The following RPRD1A variants were observed in gnomAD, a reference collection of about 807,000 sequenced individuals.
RPRD1A encodes regulation of nuclear pre-mRNA domain containing 1A, also known as regulation of nuclear pre-mRNA domain-containing protein 1A.
In RPRD1A, 9 loss-of-function variants were observed where a neutral mutation model predicts 37.8. The observed-to-expected ratio is 0.24, with a 90% confidence interval of 0.14 to 0.42. The LOEUF (loss-of-function observed/expected upper bound fraction) is 0.42. Ranked by LOEUF, RPRD1A falls within the 10% of genes least tolerant of loss-of-function variation. The pLI is 1.00. For missense variants in RPRD1A, 255 were observed against 371.0 expected (o/e 0.69, Z 2.57); for synonymous variants, 138 against 139.7 (o/e 0.99, Z 0.08).
intron 6 of RPRD1A, among the ~76,000 whole-genome samples, chr18:35,994,855 CTT>C (rs2144134551): frequency 6.6e-6 from 1 of 152,318 alleles, no homozygotes; most frequent in Admixed American, 6.5e-5. Context: ...TTTCATCAAA[CTT>C]TATTTTTTGT....
intron 4 of RPRD1A, among the ~76,000 whole-genome samples, chr18:36,029,405 A>C (rs1199861262): frequency 6.6e-6 from 1 of 152,152 alleles, no homozygotes; most frequent in Non-Finnish European, 1.5e-5. Flanking sequence ...AAAGGATACT[A>C]ATTTCTGGCA....
chr18:36,054,076 C>G (rs754133574), intron 1 of RPRD1A, among the ~76,000 whole-genome samples: 1 of 152,154 alleles, frequency 6.6e-6, no homozygotes, highest in Non-Finnish European at 1.5e-5. Flanking sequence ...TTCAGTGACA[C>G]TGAGACTGGG....
In RPRD1A at chr18:35,992,297, G is replaced by A. The variant is rs911863151; in HGVS notation, c.*854C>T. ...GAATAATAAAAGTATCATTTCACGT[G>A]TCTTTTAATCCCATAGACGGCTTTT... On this transcript the variant is annotated 3_prime_UTR_variant, in exon 7 of 7. Transcript: ENST00000399022. 1 of 152,448 alleles carries A rather than the reference G, an allele frequency of 6.6e-6. No individual in the cohort carries two copies. The highest frequency in any genetic ancestry group is 1.5e-5 in the Non-Finnish European group (1 of 68,020). The allele number at this position is 152,448 out of a possible 1,614,324, so 9.4% of individuals were successfully genotyped here. A position where few individuals can be genotyped will look rare whatever the true frequency, so the allele number is the denominator to read the frequency against.
At chr18:36,031,716 A>C (rs1911804697) in intron 2 of RPRD1A, among the ~76,000 whole-genome samples, 1 of 152,226 alleles carries the variant, frequency 6.6e-6, no homozygotes, top group Non-Finnish European at 1.5e-5. Context: ...TCTCTTGCTT[A>C]GAATTTTGTA....
intron 1 of RPRD1A, among the ~76,000 whole-genome samples, chr18:36,049,963 CCTCA>C (rs1418055691): frequency 1.3e-5 from 2 of 152,092 alleles, no homozygotes; most frequent in Non-Finnish European, 2.9e-5. Context: ...GTTTTGACAT[CCTCA>C]CTAACATTTG....
chr18:35,993,103 T>C lies in RPRD1A; in HGVS notation c.*48A>G. ...ACACTACAGGACTATCCACCTAACC[T>C]GTCTCCATCTCTTGCAAAGTCCTGG... On this transcript the variant is annotated 3_prime_UTR_variant, in exon 7 of 7. Transcript: ENST00000399022. 1 of 1,564,220 alleles carries C rather than the reference T, an allele frequency of 6.4e-7. No individual in the cohort carries two copies. The highest frequency in any genetic ancestry group is 8.7e-7 in the Non-Finnish European group (1 of 1,149,982).
chr18:36,026,560 A>G (rs1414652466), intron 6 of RPRD1A: 1 of 188,664 alleles, frequency 5.3e-6, no homozygotes, highest in Non-Finnish European at 1.1e-5. Flanking sequence ...GAAACTAAAT[A>G]AATCCTACTA....
At chr18:36,012,617 T>C (rs1024028248) in intron 6 of RPRD1A, among the ~76,000 whole-genome samples, 2 of 152,154 alleles carry the variant, frequency 1.3e-5, no homozygotes, top group Non-Finnish European at 2.9e-5. Flanking sequence ...GTTCACACAA[T>C]GAAAAAATGC....
chr18:36,017,135 C>T (rs142279999), intron 6 of RPRD1A, among the ~76,000 whole-genome samples: 1,539 of 152,224 alleles, frequency 0.01, 26 homozygotes, highest in African/African-American at 0.035. Flanking sequence ...CACGGTGAAA[C>T]ACTGTCTCTA....
At chr18:36,000,579 G>T (rs1459991775) in intron 6 of RPRD1A, among the ~76,000 whole-genome samples, 2 of 152,128 alleles carry the variant, frequency 1.3e-5, no homozygotes, top group Non-Finnish European at 2.9e-5. Flanking sequence ...TAGGGTAGAT[G>T]TTACAAAGAA....
chr18:36,060,313 G>C lies in RPRD1A; in HGVS notation c.151+6941C>G, dbSNP rs534526740. On this transcript the variant is annotated intron_variant, in intron 1 of 6. Coordinates refer to ENST00000399022, the MANE Select transcript of RPRD1A (RefSeq NM_018170.5). ...CCAGGCATGGTGGCGGGCGCCTATA[G>C]TCCCAGCTACTTGGGAGGCTGAGAC... Among the ~76,000 whole-genome samples, 147 of 152,098 alleles carry C rather than the reference G, an allele frequency of 9.7e-4. 1 individual carries two copies. The highest frequency in any genetic ancestry group is 3.3e-3 in the African/African-American group (139 of 41,496).
intron 1 of RPRD1A, among the ~76,000 whole-genome samples, 183 bp downstream of exon 1, chr18:36,067,071 C>A (rs1248707498): frequency 2.6e-5 from 4 of 152,204 alleles, no homozygotes; most frequent in Non-Finnish European, 4.4e-5. Flanking sequence ...TTCCTTTATT[C>A]AATAAATATC....
Position 36,027,273 on chromosome 18 carries a change from T to A in RPRD1A, c.524A>T (p.Asn175Ile). The change falls in exon 5 of 7, where the codon AAT becomes ATT. Residue 175 changes from asparagine to isoleucine, a missense_variant. This residue lies in a region of RPRD1A where 211 missense variants were observed against 268.9 expected (regional missense o/e 0.78). Transcript: ENST00000399022. ...DLVRALQDLE[N>I]AASGDAAVHQ... ...AACTGCTGCATCACCTGAGGCTGCA[T>A]TTTCCAGATCTTGTAATGCTCTAAC... 6.2e-7 allele frequency: 1 copy of A among 1,613,674 alleles called. No homozygotes were observed. Among genetic ancestry groups the A allele is most frequent in the African/African-American group, 1.3e-5 (1 of 75,024 alleles).
intron 2 of RPRD1A, among the ~76,000 whole-genome samples, chr18:36,032,866 T>C (rs7245183): frequency 0.11 from 16,028 of 152,032 alleles, 974 homozygotes; most frequent in Non-Finnish European, 0.13. Context: ...TTGAGACGCA[T>C]ACAAGTAAAA....
At position 36,004,943 on chromosome 18, in the gene RPRD1A, A is replaced by T. The variant is rs573186814; in HGVS notation, c.790-11643T>A. On this transcript the variant is annotated intron_variant, in intron 6 of 6. Coordinates refer to ENST00000399022, the MANE Select transcript of RPRD1A (RefSeq NM_018170.5). ...ATAAAATAAATTTAAAAAATAGAAG[A>T]CAATATAAATCTGGCTACCTATGTT... is the stretch of plus-strand genomic sequence containing the variant. Among the ~76,000 whole-genome samples the T allele has an allele frequency of 5.3e-5, 8 of 151,954 alleles. No homozygotes were observed. In the South Asian group the frequency reaches 1.7e-3, roughly 32 times the overall value.
chr18:36,057,241 A>T (rs749001395), intron 1 of RPRD1A, among the ~76,000 whole-genome samples: 7 of 150,748 alleles, frequency 4.6e-5, no homozygotes, highest in Non-Finnish European at 1.0e-4. Context: ...AACAACAACA[A>T]ACATATATAT....
chr18:36,056,095 T>C (rs1033049579), intron 1 of RPRD1A, among the ~76,000 whole-genome samples: 1 of 152,214 alleles, frequency 6.6e-6, no homozygotes, highest in Non-Finnish European at 1.5e-5. Context: ...AAAACTGACA[T>C]CCTAAACTTT....
intron 1 of RPRD1A, chr18:36,040,864 C>T: frequency 6.6e-7 from 1 of 1,511,646 alleles, no homozygotes; most frequent in South Asian, 1.2e-5. Flanking sequence ...TGCACCTCCA[C>T]TCTAAAAGGA....
intron 6 of RPRD1A, among the ~76,000 whole-genome samples, chr18:35,999,365 G>A (rs938660757): frequency 6.6e-6 from 1 of 152,148 alleles, no homozygotes; most frequent in Non-Finnish European, 1.5e-5. Flanking sequence ...ACAGTGCTGT[G>A]TGGCCAAATT....
Sources: allele counts gnomAD v4.1 joint callset (sites outside exome capture counted in the v4.1 genomes callset), GRCh38; gene constraint gnomAD v4.1.1; regional missense constraint gnomAD v4.1.1; transcripts MANE v1.5; gene names NCBI Gene and HGNC (gene_info 2026-07-23, HGNC 2026-07-21).